The following ELMO1 variants were observed in gnomAD, a reference collection of about 807,000 sequenced individuals.
ELMO1 encodes engulfment and cell motility protein 1.
A neutral mutation model predicts 98.9 loss-of-function variants in ELMO1; 26 were observed. The ratio of observed to expected loss-of-function variants is 0.26; its 90% CI spans 0.19 to 0.36. The LOEUF (loss-of-function observed/expected upper bound fraction) is 0.36, where lower values mean the gene tolerates loss of function less well. Among genes scored for constraint, ELMO1 ranks in the 10% least tolerant of loss-of-function variants. ELMO1 has a pLI of 1.00. For missense variants in ELMO1, 627 were observed against 935.2 expected, an observed-to-expected ratio of 0.67 and a Z score of 4.30; for synonymous variants, 346 against 346.0, an observed-to-expected ratio of 1.00 and a Z score of 0.00.
At chr7:37,392,871 T>G (rs926458246) in intron 1 of ELMO1, among the ~76,000 whole-genome samples, 45 of 152,216 alleles carry the variant, frequency 3.0e-4, no homozygotes, top group Admixed American at 2.9e-3. Context: ...TAATTGCATC[T>G]GCCCTGGGAG....
At chr7:37,294,064 T>C (rs908606778) in intron 4 of ELMO1, among the ~76,000 whole-genome samples, 1 of 152,190 alleles carries the variant, frequency 6.6e-6, no homozygotes, top group South Asian at 2.1e-4. Flanking sequence ...AGATGGCATA[T>C]ACTTTTTAAA....
intron 4 of ELMO1, 76 bp from the exon 5 acceptor site, chr7:37,271,958 C>T (rs1253366247): frequency 2.4e-6 from 3 of 1,274,968 alleles, no homozygotes; most frequent in Non-Finnish European, 3.4e-6. Context: ...CAAATATAAT[C>T]TAGCAGATAT....
chr7:37,287,226 T>C (rs532134350), intron 4 of ELMO1, among the ~76,000 whole-genome samples: 23 of 151,800 alleles, frequency 1.5e-4, no homozygotes, highest in Admixed American at 1.2e-3. Context: ...ATCATAGTAA[T>C]ATATATGCTG....
At chr7:37,408,529 A>C (rs1803868491) in intron 1 of ELMO1, among the ~76,000 whole-genome samples, 1 of 152,222 alleles carries the variant, frequency 6.6e-6, no homozygotes, top group Non-Finnish European at 1.5e-5. Flanking sequence ...TAATAGATGA[A>C]GGGATAAAGA....
At chr7:37,140,974 G>C (rs1190417489) in intron 13 of ELMO1, among the ~76,000 whole-genome samples, 1 of 152,128 alleles carries the variant, frequency 6.6e-6, no homozygotes, top group Non-Finnish European at 1.5e-5. Flanking sequence ...ACAGTGTGGA[G>C]GTTCCTTAAA....
chr7:36,886,551 T>C (rs779707670), intron 18 of ELMO1, among the ~76,000 whole-genome samples: 1 of 152,216 alleles, frequency 6.6e-6, no homozygotes, highest in Non-Finnish European at 1.5e-5. Context: ...CTGGTGTTCT[T>C]AGTATAGCTG....
chr7:37,407,072 T>C (rs1803800840), intron 1 of ELMO1, among the ~76,000 whole-genome samples: 1 of 152,212 alleles, frequency 6.6e-6, no homozygotes, highest in African/African-American at 2.4e-5. Context: ...TCTGCACGCA[T>C]GTTTACAGTA....
intron 16 of ELMO1, among the ~76,000 whole-genome samples, chr7:36,998,593 C>T (rs1792397024): frequency 6.6e-6 from 1 of 151,604 alleles, no homozygotes; most frequent in South Asian, 2.1e-4. Flanking sequence ...TGTTCATTTC[C>T]AAAGTCACAG....
rs36086006 is a variant in ELMO1 at position 37,426,142 on chromosome 7, C to CTTT, written c.-74+22530_-74+22532dup. On this transcript the variant is annotated intron_variant, in intron 1 of 21. Coordinates refer to ENST00000310758, the MANE Select transcript of ELMO1 (RefSeq NM_014800.11). ...TCTCTCTCTCCCTCTTTTTTTCTTT[C>CTTT]TTTTTTTTTTTTTTTTTTTTTTTTT... is the stretch of plus-strand genomic sequence containing the variant. 7.0e-4 allele frequency among the ~76,000 whole-genome samples: 59 copies of CTTT among 84,592 alleles called. 2 individuals carry two copies. The highest frequency in any genetic ancestry group is 9.8e-4 in the African/African-American group (20 of 20,422). 55.5% of individuals were successfully genotyped at this position (84,592 alleles called of 152,430 possible). A position where few individuals can be genotyped will look rare whatever the true frequency, so the allele number is the denominator to read the frequency against.
intron 4 of ELMO1, among the ~76,000 whole-genome samples, chr7:37,283,159 A>C (rs994562840): frequency 1.8e-4 from 27 of 152,140 alleles, no homozygotes; most frequent in Non-Finnish European, 3.4e-4. Context: ...AGCCTGAGGG[A>C]AAGGACAGAA....
intron 13 of ELMO1, among the ~76,000 whole-genome samples, chr7:37,137,592 C>T (rs1220857873): frequency 6.6e-6 from 1 of 151,642 alleles, no homozygotes; most frequent in Non-Finnish European, 1.5e-5. Flanking sequence ...GGCTGGAATA[C>T]AGTGGTGCAA....
chr7:37,329,147 G>T (rs1006643067), intron 2 of ELMO1, among the ~76,000 whole-genome samples: 4 of 152,176 alleles, frequency 2.6e-5, no homozygotes, highest in African/African-American at 7.2e-5. Flanking sequence ...CAAAATGGAT[G>T]ACCCTCTTTG....
chr7:37,102,686 C>A (rs943662956), intron 14 of ELMO1, among the ~76,000 whole-genome samples: 1 of 152,156 alleles, frequency 6.6e-6, no homozygotes, highest in African/African-American at 2.4e-5. Context: ...CCAGCACATG[C>A]CAAAATACTA....
At chr7:37,246,151 C>A (rs1794994109) in intron 6 of ELMO1, among the ~76,000 whole-genome samples, 1 of 152,136 alleles carries the variant, frequency 6.6e-6, no homozygotes, top group Admixed American at 6.5e-5. Context: ...ATGAGCTCCC[C>A]ACTGGAGATA....
intron 13 of ELMO1, among the ~76,000 whole-genome samples, chr7:37,169,163 C>G (rs925336039): frequency 6.6e-6 from 1 of 152,194 alleles, no homozygotes; most frequent in African/African-American, 2.4e-5. Context: ...GATATAATCT[C>G]CTGGTGCGCC....
At chr7:37,430,235 C>T (rs1804875219) in intron 1 of ELMO1, among the ~76,000 whole-genome samples, 1 of 152,166 alleles carries the variant, frequency 6.6e-6, no homozygotes, top group Non-Finnish European at 1.5e-5. Flanking sequence ...AGGACACAGG[C>T]CTCTTCTGCC....
chr7:37,210,173 A>G (rs945169255), intron 13 of ELMO1, among the ~76,000 whole-genome samples: 3 of 152,192 alleles, frequency 2.0e-5, no homozygotes, highest in Non-Finnish European at 4.4e-5. Flanking sequence ...AAAAGCCTTG[A>G]AAACATATCT....
intron 16 of ELMO1, among the ~76,000 whole-genome samples, chr7:36,944,344 A>C (rs1399947471): frequency 1.1e-4 from 17 of 152,184 alleles, no homozygotes; most frequent in Non-Finnish European, 2.5e-4. Context: ...TGTATTTTTA[A>C]AATGGAGAAG....
intron 15 of ELMO1, among the ~76,000 whole-genome samples, chr7:37,082,996 C>T (rs1562989163): frequency 1.3e-5 from 2 of 152,318 alleles, no homozygotes; most frequent in South Asian, 4.1e-4. Context: ...TTACAGTCAG[C>T]ATATTGGTTA....
Sources: gnomAD v4.1 joint callset for allele counts (sites outside exome capture counted in the v4.1 genomes callset) on GRCh38, gnomAD v4.1.1 for gene constraint, MANE v1.5 for transcripts, NCBI Gene and HGNC (gene_info 2026-07-23, HGNC 2026-07-21) for gene names.